The following TMEM132B variants were observed in gnomAD, a reference collection of about 807,000 sequenced individuals.
The protein encoded by TMEM132B is transmembrane protein 132B.
TMEM132B carries 18 observed loss-of-function variants against 90.8 expected under a neutral mutation model. The ratio of observed to expected loss-of-function variants is 0.20; its 90% CI spans 0.14 to 0.29. TMEM132B has a LOEUF of 0.29. Among genes scored for constraint, TMEM132B ranks in the 10% least tolerant of loss-of-function variants. TMEM132B has a pLI of 1.00. For synonymous variants in TMEM132B, 504 were observed against 523.3 expected (o/e 0.96, Z 0.50); for missense variants, 1,096 against 1,326.8 (o/e 0.83, Z 2.70).
intron 1 of TMEM132B, among the ~76,000 whole-genome samples, chr12:125,207,759 C>T (rs369828597): frequency 2.0e-5 from 3 of 152,198 alleles, no homozygotes; most frequent in African/African-American, 7.2e-5. Flanking sequence ...TCCATTTCCC[C>T]AGGCCTCCAC....
chr12:125,251,021 T>C lies in TMEM132B; in HGVS notation c.67+64155T>C, dbSNP rs1028466994. Among the ~76,000 whole-genome samples, 3 of 152,190 alleles carry C rather than the reference T, an allele frequency of 2.0e-5. No individual in the cohort carries two copies. Among genetic ancestry groups the C allele is most frequent in the Non-Finnish European group, 4.4e-5 (3 of 68,044 alleles). ...GTTGTTACATTTAATGAGGTTTCTC[T>C]AAAAAGAAGAGATCATTTCCGACTA... On this transcript the variant is annotated intron_variant, in intron 1 of 8. Coordinates refer to ENST00000682704, the MANE Select transcript of TMEM132B (RefSeq NM_001366854.1). The surrounding 1 kb of genome is among the most constrained non-coding windows in gnomAD (Gnocchi z 4.4).
intron 6 of TMEM132B, 85 bp from the exon 7 acceptor site, chr12:125,650,598 G>A: frequency 6.7e-7 from 1 of 1,491,644 alleles, no homozygotes. Flanking sequence ...TCATTCTGTG[G>A]GCTCACCTAG....
At chr12:125,337,285 A>G (rs1876996733) in intron 1 of TMEM132B, among the ~76,000 whole-genome samples, 1 of 152,154 alleles carries the variant, frequency 6.6e-6, no homozygotes, top group Non-Finnish European at 1.5e-5. Flanking sequence ...GCTGTGACAA[A>G]TAAACTCCTA....
intron 1 of TMEM132B, among the ~76,000 whole-genome samples, chr12:125,311,401 A>G (rs759220042): frequency 1.3e-5 from 2 of 152,216 alleles, no homozygotes; most frequent in Non-Finnish European, 2.9e-5. Flanking sequence ...CACACGTGGC[A>G]GCTGACGGCA....
At chr12:125,305,462 T>G (rs1351301881) in intron 1 of TMEM132B, among the ~76,000 whole-genome samples, 2 of 152,036 alleles carry the variant, frequency 1.3e-5, no homozygotes, top group Non-Finnish European at 2.9e-5. Context: ...GGCTGTCTGT[T>G]AAAAGTTAAT....
At chr12:125,370,336 T>A (rs1306065484) in intron 2 of TMEM132B, among the ~76,000 whole-genome samples, 1 of 152,192 alleles carries the variant, frequency 6.6e-6, no homozygotes, top group Non-Finnish European at 1.5e-5. Context: ...GCAGTTGTAG[T>A]CATCACATCT....
chr12:125,607,808 C>T (rs1256301046), intron 5 of TMEM132B, among the ~76,000 whole-genome samples: 2 of 152,304 alleles, frequency 1.3e-5, no homozygotes, highest in East Asian at 3.9e-4. Flanking sequence ...TACTTTTGAG[C>T]TCCATTTATT....
chr12:125,189,694 T>C (rs976556204), intron 1 of TMEM132B, among the ~76,000 whole-genome samples: 1 of 151,754 alleles, frequency 6.6e-6, no homozygotes, highest in Non-Finnish European at 1.5e-5. Flanking sequence ...ATGCAGGGAG[T>C]TGGGGAGGCG....
At chr12:125,533,690 C>T (rs1254354711) in intron 4 of TMEM132B, among the ~76,000 whole-genome samples, 1 of 151,836 alleles carries the variant, frequency 6.6e-6, no homozygotes, top group Non-Finnish European at 1.5e-5. Context: ...GGCGGAGGCT[C>T]CTGGAGCCCC....
intron 1 of TMEM132B, chr12:125,326,739 T>C (rs1375073905): frequency 6.6e-7 from 1 of 1,509,044 alleles, no homozygotes; most frequent in Non-Finnish European, 9.0e-7. Context: ...CAAGGGGAGG[T>C]TTTCCTATGT....
chr12:125,326,441 A>T, intron 1 of TMEM132B: 1 of 694,506 alleles, frequency 1.4e-6, no homozygotes, highest in Non-Finnish European at 2.5e-6. Flanking sequence ...ACCTGTTTCC[A>T]ATGAAGACAA....
intron 1 of TMEM132B, among the ~76,000 whole-genome samples, chr12:125,298,848 C>T (rs1468208992): frequency 6.6e-6 from 1 of 151,272 alleles, no homozygotes; most frequent in Non-Finnish European, 1.5e-5. Context: ...ATTCTCCTGC[C>T]TCAGCCTCCC....
intron 1 of TMEM132B, among the ~76,000 whole-genome samples, chr12:125,283,821 G>C (rs1403869885): frequency 6.6e-6 from 1 of 152,220 alleles, no homozygotes; most frequent in African/African-American, 2.4e-5. Flanking sequence ...AGAGATACTA[G>C]GAGTTTCAGT....
intron 3 of TMEM132B, among the ~76,000 whole-genome samples, chr12:125,437,735 G>T (rs1485966205): frequency 6.6e-6 from 1 of 152,196 alleles, no homozygotes; most frequent in African/African-American, 2.4e-5. Context: ...GCCACATGGT[G>T]TGTGATTCCA....
rs149111470 is a variant in TMEM132B, at chr12:125,606,204, G to T, written c.1437+22210G>T. On this transcript the variant is annotated intron_variant, in intron 5 of 8. Coordinates refer to ENST00000682704, the MANE Select transcript of TMEM132B (RefSeq NM_001366854.1). ...TGAACAGTTCAGATTTCAGTCAATG[G>T]AGAACATGACTCTCCATGAGTTAAA... Among the ~76,000 whole-genome samples the T allele has an allele frequency of 2.3e-3, 349 of 152,234 alleles. 3 individuals are homozygous for T. Among genetic ancestry groups the T allele is most frequent in the African/African-American group, 8.1e-3 (336 of 41,536 alleles).
intron 3 of TMEM132B, among the ~76,000 whole-genome samples, chr12:125,487,415 G>A (rs941785627): frequency 1.3e-5 from 2 of 152,186 alleles, no homozygotes; most frequent in African/African-American, 4.8e-5. Context: ...TATCTCAGTG[G>A]TTTAACACAG....
At chr12:125,627,793 A>G (rs376905648) in intron 5 of TMEM132B, among the ~76,000 whole-genome samples, 1 of 152,118 alleles carries the variant, frequency 6.6e-6, no homozygotes, top group Admixed American at 6.5e-5. Context: ...TCCATTAACC[A>G]TCCCCACCTC....
intron 1 of TMEM132B, among the ~76,000 whole-genome samples, chr12:125,189,157 ACTT>A (rs1957780456): frequency 1.3e-5 from 2 of 152,102 alleles, no homozygotes; most frequent in African/African-American, 4.8e-5. Context: ...GGGTGGGTGT[ACTT>A]CTTTCAGCCT....
In TMEM132B at chr12:125,490,687, C is replaced by T. The variant is rs888461166; in HGVS notation, c.1107-28752C>T. 1.3e-5 allele frequency among the ~76,000 whole-genome samples: 2 copies of T among 152,056 alleles called. No individual in the cohort carries two copies. Among genetic ancestry groups the T allele is most frequent in the Non-Finnish European group, 2.9e-5 (2 of 68,012 alleles). On this transcript the variant is annotated intron_variant, in intron 3 of 8. Transcript: ENST00000682704. The surrounding 1 kb of genome is among the most constrained non-coding windows in gnomAD (Gnocchi z 4.2). ...TTCACTGTGTTAGCTAGGATGGTCTCGATCTCCTGACCTCGTGATCCGCCC... is the reference window on the plus strand; with the variant it reads ...TTCACTGTGTTAGCTAGGATGGTCTTGATCTCCTGACCTCGTGATCCGCCC...
Sources: gnomAD v4.1 joint callset for allele counts (sites outside exome capture counted in the v4.1 genomes callset) on GRCh38, gnomAD v4.1.1 for gene constraint, Gnocchi (gnomAD v3.1) non-coding constraint, MANE v1.5 for transcripts, NCBI Gene and HGNC (gene_info 2026-07-23, HGNC 2026-07-21) for gene names.